Variants in ASTN2 observed in about 807,000 individuals in gnomAD.
ASTN2 encodes astrotactin-2.
In ASTN2, 54 loss-of-function variants were observed where a neutral mutation model predicts 139.8. The observed-to-expected ratio is 0.39, with a 90% confidence interval of 0.31 to 0.48. The LOEUF is 0.48. Among genes scored for constraint, ASTN2 ranks in the 20% least tolerant of loss-of-function variants. The probability of loss-of-function intolerance (pLI) is 0.95; values close to 1 mark genes in which losing one functional copy is unlikely to be tolerated. For synonymous variants in ASTN2, 756 were observed against 719.5 expected (o/e 1.05, Z -0.81); for missense variants, 1,565 against 1,725.1 (o/e 0.91, Z 1.64).
At chr9:117,074,956 T>C (rs1828240015) in intron 5 of ASTN2, among the ~76,000 whole-genome samples, 1 of 152,186 alleles carries the variant, frequency 6.6e-6, no homozygotes, top group Admixed American at 6.5e-5. Context: ...CCGAGGTCTG[T>C]AAATTTCCAG....
chr9:116,569,170 G>T (rs1276404148), intron 19 of ASTN2, among the ~76,000 whole-genome samples: 2 of 152,162 alleles, frequency 1.3e-5, no homozygotes, highest in Non-Finnish European at 2.9e-5. Flanking sequence ...AAGTCATTGG[G>T]AATTAGAACT....
In ASTN2 at chr9:116,686,731, C is replaced by A. The variant is rs777077560; in HGVS notation, c.2807-34938G>T. 13 of 1,550,562 alleles carry A rather than the reference C, an allele frequency of 8.4e-6. No individual in the cohort carries two copies. In the South Asian group the frequency reaches 1.5e-4, roughly 18 times the overall value. On this transcript the variant is annotated intron_variant, in intron 16 of 22. Coordinates refer to ENST00000313400, the MANE Select transcript of ASTN2 (RefSeq NM_001365068.1). ...GCAGGGACAGGGGCTGCAGAGTGTA[C>A]TCCCCAAGTCTGCCTCTGCTGTCGG...
chr9:116,917,173 G>C (rs1240484943), intron 10 of ASTN2, among the ~76,000 whole-genome samples: 1 of 152,128 alleles, frequency 6.6e-6, no homozygotes, highest in Non-Finnish European at 1.5e-5. Flanking sequence ...TCATCCTGTA[G>C]ATGTTAGATC....
chr9:116,963,021 A>T (rs943488636), intron 10 of ASTN2, among the ~76,000 whole-genome samples: 1 of 152,236 alleles, frequency 6.6e-6, no homozygotes, highest in Non-Finnish European at 1.5e-5. Context: ...TGATGTTAAG[A>T]TTCGATCCAT....
chr9:116,937,539 C>A (rs1835114089), intron 10 of ASTN2, among the ~76,000 whole-genome samples: 1 of 152,168 alleles, frequency 6.6e-6, no homozygotes, highest in Non-Finnish European at 1.5e-5. Flanking sequence ...TTCTCTACTG[C>A]CTAGCCCAGA....
intron 3 of ASTN2, among the ~76,000 whole-genome samples, chr9:117,146,177 C>A (rs971229565): frequency 2.0e-5 from 3 of 152,120 alleles, no homozygotes; most frequent in African/African-American, 7.2e-5. Context: ...ATCAGTATAT[C>A]AAGTTGTCCA....
At chr9:116,789,539 C>A (rs1053698279) in intron 13 of ASTN2, among the ~76,000 whole-genome samples, 3 of 152,184 alleles carry the variant, frequency 2.0e-5, no homozygotes, top group African/African-American at 7.2e-5. Context: ...CCAGCCACTG[C>A]CCTTGGAGCT....
intron 20 of ASTN2, among the ~76,000 whole-genome samples, chr9:116,454,831 T>C (rs906041503): frequency 4.6e-5 from 7 of 151,978 alleles, no homozygotes; most frequent in Admixed American, 6.6e-5. Context: ...TAGGTGGGAA[T>C]TGAACAATAA....
intron 10 of ASTN2, among the ~76,000 whole-genome samples, chr9:116,866,163 T>C (rs1833009066): frequency 6.6e-6 from 1 of 152,222 alleles, no homozygotes; most frequent in Admixed American, 6.5e-5. Context: ...GGCTCAAGAT[T>C]TATTCATTTC....
At chr9:116,757,927 A>G (rs1171708011) in intron 13 of ASTN2, among the ~76,000 whole-genome samples, 1 of 152,206 alleles carries the variant, frequency 6.6e-6, no homozygotes, top group Non-Finnish European at 1.5e-5. Context: ...TAGAACACCT[A>G]TCACAGGCCC....
intron 4 of ASTN2, among the ~76,000 whole-genome samples, chr9:117,100,206 AG>A (rs954242635): frequency 2.0e-5 from 3 of 152,206 alleles, no homozygotes; most frequent in African/African-American, 7.2e-5. Context: ...AACTACCATA[AG>A]GGTTTCCATA....
In ASTN2 at chr9:116,820,186, C is replaced by G. The variant is rs570767933; in HGVS notation, c.2207+431G>C. ...AACAGTGCCCTCACATTGCTACATT[C>G]CTGCTGAAACCAAGCTTGAAGGCTG... is the stretch of plus-strand genomic sequence containing the variant. On this transcript the variant is annotated intron_variant, in intron 12 of 22. Transcript: ENST00000313400. Among the ~76,000 whole-genome samples the G allele has an allele frequency of 5.0e-3, 760 of 152,310 alleles. 8 individuals are homozygous for G. Among genetic ancestry groups the G allele is most frequent in the African/African-American group, 0.017 (707 of 41,574 alleles).
intron 22 of ASTN2, among the ~76,000 whole-genome samples, chr9:116,432,747 C>T (rs913833516): frequency 2.0e-5 from 3 of 152,036 alleles, no homozygotes; most frequent in African/African-American, 7.2e-5. Context: ...CTGGCCAACA[C>T]GGTGAAGCCC....
chr9:116,487,857 C>T (rs1405381811), intron 19 of ASTN2, among the ~76,000 whole-genome samples: 7 of 151,846 alleles, frequency 4.6e-5, no homozygotes, highest in Non-Finnish European at 1.0e-4. Context: ...TTATTCACTC[C>T]CTGTTAACTC....
chr9:117,174,108 T>C (rs1007520609), intron 3 of ASTN2, among the ~76,000 whole-genome samples: 2 of 145,750 alleles, frequency 1.4e-5, no homozygotes, highest in Non-Finnish European at 1.5e-5. Context: ...GGGATATGTA[T>C]AGCTAGCTAG....
intron 1 of ASTN2, among the ~76,000 whole-genome samples, chr9:117,318,490 G>C (rs928493983): frequency 1.3e-5 from 2 of 152,136 alleles, no homozygotes; most frequent in Non-Finnish European, 2.9e-5. Context: ...TTGGAGGAGA[G>C]AGACACCTGT....
chr9:117,214,709 C>CCAGCAG lies in ASTN2; in HGVS notation c.658_663dup (p.Leu220_Leu221dup), dbSNP rs750505669. 4.6e-6 allele frequency: 7 copies of CCAGCAG among 1,510,116 alleles called. No homozygotes were observed. In the African/African-American group the frequency reaches 8.3e-5, roughly 18 times the overall value. 93.5% of individuals were successfully genotyped at this position (1,510,116 alleles called of 1,614,324 possible). A position where few individuals can be genotyped will look rare whatever the true frequency, so the allele number is the denominator to read the frequency against. On this transcript the variant is annotated inframe_insertion, in exon 3 of 23. Coordinates refer to ENST00000313400, the MANE Select transcript of ASTN2 (RefSeq NM_001365068.1). ...TGGGCGTACAGCGCCACGGTGAACA[C>CCAGCAG]CAGCAGCAGCAGCAGCAGCGCGATG... is the stretch of plus-strand genomic sequence containing the variant.
At chr9:117,249,269 C>T (rs1402010594) in intron 2 of ASTN2, among the ~76,000 whole-genome samples, 1 of 152,130 alleles carries the variant, frequency 6.6e-6, no homozygotes, top group Non-Finnish European at 1.5e-5. Context: ...AATCTGTTCT[C>T]CCCAGTCTTA....
At chr9:117,095,777 G>A (rs978812747) in intron 5 of ASTN2, among the ~76,000 whole-genome samples, 36 of 151,938 alleles carry the variant, frequency 2.4e-4, no homozygotes, top group African/African-American at 8.2e-4. Context: ...TTCCTCTTTT[G>A]AAGTTTTAAA....
Sources: gnomAD v4.1 joint callset for allele counts (sites outside exome capture counted in the v4.1 genomes callset) on GRCh38, gnomAD v4.1.1 for gene constraint, MANE v1.5 for transcripts, NCBI Gene and HGNC (gene_info 2026-07-23, HGNC 2026-07-21) for gene names.